DOCK3: variants seen among roughly 807,000 people sequenced by gnomAD.
The protein encoded by DOCK3 is dedicator of cytokinesis protein 3.
A neutral mutation model predicts 265.6 loss-of-function variants in DOCK3; 60 were observed. The ratio of observed to expected loss-of-function variants is 0.23; its 90% confidence interval spans 0.18 to 0.28. The LOEUF (loss-of-function observed/expected upper bound fraction) is 0.28. DOCK3 is among the 10% of genes least tolerant of loss of function. The pLI, the probability that DOCK3 is intolerant of heterozygous loss-of-function variation, is 1.00. For synonymous variants in DOCK3, 881 were observed against 938.0 expected (o/e 0.94, Z 1.11); for missense variants, 1,981 against 2,594.3 (o/e 0.76, Z 5.14).
chr3:51,250,417 A>G (rs2108636382), intron 22 of DOCK3, among the ~76,000 whole-genome samples: 1 of 152,266 alleles, frequency 6.6e-6, no homozygotes, highest in African/African-American at 2.4e-5. Context: ...TCAGGAGTTC[A>G]AGACCAGCCT....
intron 4 of DOCK3, among the ~76,000 whole-genome samples, chr3:50,930,597 C>A (rs1199290366): frequency 6.6e-6 from 1 of 152,214 alleles, no homozygotes; most frequent in Non-Finnish European, 1.5e-5. Flanking sequence ...GCAACGTCTC[C>A]CCAGGCTCCC....
Position 50,884,886 on chromosome 3 carries a change from T to C in DOCK3, c.163-5140T>C, listed in dbSNP as rs2048247926. Among the ~76,000 whole-genome samples the C allele has an allele frequency of 2.0e-5, 3 of 152,170 alleles. No homozygotes were observed. The South Asian group carries it at 6.2e-4, about 32-fold the overall frequency. ...GTTATAATGGATGAACCAGTATTGATACACTATTAATATTATTTGTTATTG... is the reference window on the plus strand; with the variant it reads ...GTTATAATGGATGAACCAGTATTGACACACTATTAATATTATTTGTTATTG... On this transcript the variant is annotated intron_variant, in intron 3 of 52. Coordinates refer to ENST00000266037, the MANE Select transcript of DOCK3 (RefSeq NM_004947.5).
intron 19 of DOCK3, among the ~76,000 whole-genome samples, chr3:51,234,003 T>C (rs1293560310): frequency 2.0e-5 from 3 of 152,190 alleles, no homozygotes; most frequent in African/African-American, 7.2e-5. Context: ...TTTGGACATA[T>C]ACCCAGTAGT....
chr3:51,199,514 G>T (rs1008868586), intron 12 of DOCK3, among the ~76,000 whole-genome samples: 11 of 152,254 alleles, frequency 7.2e-5, no homozygotes, highest in Admixed American at 2.0e-4. Flanking sequence ...CCAGGCTTGT[G>T]TAAGTAAACA....
At chr3:50,993,351 T>C (rs2078175260) in intron 5 of DOCK3, among the ~76,000 whole-genome samples, 1 of 152,242 alleles carries the variant, frequency 6.6e-6, no homozygotes, top group Admixed American at 6.5e-5. Context: ...TTCCTTGCCA[T>C]CCTATTAACT....
At chr3:51,264,843 A>AATAAATAAATAT (rs1327726558) in intron 23 of DOCK3, among the ~76,000 whole-genome samples, 1 of 150,888 alleles carries the variant, frequency 6.6e-6, no homozygotes, top group Non-Finnish European at 1.5e-5. Context: ...TAAATAAATA[A>AATAAATAAATAT]ATAAATAAAT....
intron 5 of DOCK3, among the ~76,000 whole-genome samples, chr3:51,055,643 T>G (rs547290244): frequency 2.6e-5 from 4 of 152,222 alleles, no homozygotes; most frequent in South Asian, 4.1e-4. Context: ...TACTGCCCAC[T>G]GTTAGGTAAG....
At chr3:50,687,560 T>G (rs2034915519) in intron 1 of DOCK3, among the ~76,000 whole-genome samples, 1 of 152,228 alleles carries the variant, frequency 6.6e-6, no homozygotes, top group Admixed American at 6.5e-5. Context: ...TGCGTCCATT[T>G]CCTCACAGAG....
At chr3:50,700,753 C>G (rs559961902) in intron 1 of DOCK3, among the ~76,000 whole-genome samples, 1 of 152,296 alleles carries the variant, frequency 6.6e-6, no homozygotes, top group Non-Finnish European at 1.5e-5. Flanking sequence ...AGAGTGCCAG[C>G]ATCCCTTTGA....
At chr3:51,051,065 A>G (rs2080976195) in intron 5 of DOCK3, among the ~76,000 whole-genome samples, 1 of 152,178 alleles carries the variant, frequency 6.6e-6, no homozygotes, top group Non-Finnish European at 1.5e-5. Context: ...GAGAAAAAAA[A>G]TTGTAAATAG....
At chr3:51,251,337 A>C (rs374974691) in intron 22 of DOCK3, among the ~76,000 whole-genome samples, 9 of 152,316 alleles carry the variant, frequency 5.9e-5, no homozygotes, top group Admixed American at 2.6e-4. Flanking sequence ...ATACATGTGC[A>C]TGTGTCTTTA....
At chr3:50,900,671 C>T (rs1254715226) in intron 4 of DOCK3, 1 of 450,462 alleles carries the variant, frequency 2.2e-6, no homozygotes, top group Non-Finnish European at 4.4e-6. Context: ...TATGGACCTC[C>T]TTTTTGTTAA....
chr3:51,338,223 C>A, intron 35 of DOCK3, 136 bp from the exon 36 acceptor site: 1 of 879,550 alleles, frequency 1.1e-6, no homozygotes. Context: ...GAGTCCTTAT[C>A]TATGGAAGCA....
chr3:51,014,587 T>A (rs911242209), intron 5 of DOCK3, among the ~76,000 whole-genome samples: 1 of 152,158 alleles, frequency 6.6e-6, no homozygotes, highest in African/African-American at 2.4e-5. Context: ...ATTAATGTGA[T>A]TCCTCCAGTT....
At chr3:50,753,706 G>A (rs34058359) in intron 1 of DOCK3, among the ~76,000 whole-genome samples, 14,341 of 152,000 alleles carry the variant, frequency 0.094, 834 homozygotes, top group Non-Finnish European at 0.12. Context: ...CACTTTAAAG[G>A]CATTTATGGG....
chr3:50,819,564 T>C (rs1322849822), intron 2 of DOCK3, among the ~76,000 whole-genome samples: 24 of 152,192 alleles, frequency 1.6e-4, no homozygotes, highest in Admixed American at 1.3e-3. Flanking sequence ...CAGAACCAGA[T>C]GGCGACAAAA....
chr3:51,180,630 T>A (rs1278965520), intron 12 of DOCK3, among the ~76,000 whole-genome samples: 1 of 152,192 alleles, frequency 6.6e-6, no homozygotes, highest in Non-Finnish European at 1.5e-5. Flanking sequence ...ACCCAGATAA[T>A]CCAGGATAAT....
chr3:50,798,844 T>TA (rs2042925222), intron 2 of DOCK3, among the ~76,000 whole-genome samples: 1 of 152,224 alleles, frequency 6.6e-6, no homozygotes, highest in Non-Finnish European at 1.5e-5. Context: ...ATAGTAGTTT[T>TA]ATAGTTTTGG....
chr3:50,681,858 C>A (rs1376902850), intron 1 of DOCK3, among the ~76,000 whole-genome samples: 2 of 152,204 alleles, frequency 1.3e-5, no homozygotes, highest in African/African-American at 4.8e-5. Flanking sequence ...GTGATAAACA[C>A]AGAACTTGAT....
Sources: allele counts gnomAD v4.1 joint callset (sites outside exome capture counted in the v4.1 genomes callset), GRCh38; gene constraint gnomAD v4.1.1; transcripts MANE v1.5; gene names NCBI Gene and HGNC (gene_info 2026-07-23, HGNC 2026-07-21).